The following CNTNAP3B variants were observed in gnomAD, a reference collection of about 807,000 sequenced individuals.
CNTNAP3B encodes the protein contactin associated protein family member 3B.
In CNTNAP3B, 25 loss-of-function variants were observed where a neutral mutation model predicts 108.9. That is an observed-to-expected ratio of 0.23 (90% CI 0.17 to 0.32). The LOEUF (loss-of-function observed/expected upper bound fraction) is 0.32, where lower values mean the gene tolerates loss of function less well. CNTNAP3B is among the 10% of genes least tolerant of loss of function. CNTNAP3B has a pLI of 1.00. For missense variants in CNTNAP3B, 252 were observed against 1,210.4 expected (o/e 0.21, Z 11.75); for synonymous variants, 103 against 473.4 (o/e 0.22, Z 10.16).
At chr9:41,934,100 C>CATATATATATATATATATGTAT (rs1824067123) in intron 14 of CNTNAP3B, among the ~76,000 whole-genome samples, 3 of 90,224 alleles carry the variant, frequency 3.3e-5, no homozygotes, top group African/African-American at 1.3e-4. Flanking sequence ...ATATTTGTTA[C>CATATATATATATATATATGTAT]ATATATATAT....
In CNTNAP3B at chr9:42,096,063, T is replaced by A. The variant is rs1292169241; in HGVS notation, c.196+8566A>T. Among the ~76,000 whole-genome samples the A allele has an allele frequency of 3.6e-5, 5 of 139,536 alleles. 1 individual carries two copies. In the East Asian group the frequency reaches 1.1e-3, roughly 30 times the overall value. 91.5% of individuals were successfully genotyped at this position (139,536 alleles called of 152,430 possible). On this transcript the variant is annotated intron_variant, in intron 2 of 23. Transcript: ENST00000377561. ...CTGCCTTTGGTACCTCAGGGTGTCC[T>A]TGGATAACTGGGGCTGTCCTCACCG... is the stretch of plus-strand genomic sequence containing the variant.
At chr9:42,068,180 A>C (rs1157236948) in intron 3 of CNTNAP3B, among the ~76,000 whole-genome samples, 3 of 64,934 alleles carry the variant, frequency 4.6e-5, no homozygotes, top group African/African-American at 2.3e-4. Flanking sequence ...CTGTTTCAGA[A>C]GGTCAAATAA....
In CNTNAP3B at chr9:41,937,105, A is replaced by T. The variant is rs528609382; in HGVS notation, c.2237+1139T>A. On this transcript the variant is annotated intron_variant, in intron 14 of 23. Coordinates refer to ENST00000377561, the MANE Select transcript of CNTNAP3B (RefSeq NM_001201380.3). ...ACCTGGAATGACCATTACATTTTTTATTTATTAATTTATTATTATTATTAT... is the reference window on the plus strand; with the variant it reads ...ACCTGGAATGACCATTACATTTTTTTTTTATTAATTTATTATTATTATTAT... Among the ~76,000 whole-genome samples the T allele has an allele frequency of 3.8e-3, 409 of 109,056 alleles. 2 individuals are homozygous for T. Among genetic ancestry groups the T allele is most frequent in the African/African-American group, 4.5e-3 (134 of 29,776 alleles). The allele number at this position is 109,056 out of a possible 152,430, so 71.5% of individuals were successfully genotyped here.
intron 13 of CNTNAP3B, among the ~76,000 whole-genome samples, chr9:41,948,163 C>T (rs1188694368): frequency 6.7e-6 from 1 of 149,200 alleles, no homozygotes; most frequent in Admixed American, 6.7e-5. Flanking sequence ...GTGATCTTGG[C>T]TCACTGCAAC....
chr9:41,945,523 A>G (rs1824507018), intron 13 of CNTNAP3B, among the ~76,000 whole-genome samples: 4 of 152,428 alleles, frequency 2.6e-5, no homozygotes, highest in South Asian at 2.1e-4. Context: ...AGGACAAAAA[A>G]CCAAACACTG....
intron 2 of CNTNAP3B, among the ~76,000 whole-genome samples, chr9:42,094,055 A>G (rs1322277204): frequency 7.3e-6 from 1 of 136,440 alleles, no homozygotes. Flanking sequence ...CACAGCTAGT[A>G]AGGGGTAGAG....
At chr9:42,110,864 G>A (rs1828180641) in intron 1 of CNTNAP3B, among the ~76,000 whole-genome samples, 2 of 140,074 alleles carry the variant, frequency 1.4e-5, no homozygotes, top group Non-Finnish European at 3.1e-5. Flanking sequence ...TTATGAATCT[G>A]AATTGATCTG....
In CNTNAP3B at chr9:42,122,104, T is replaced by G. The variant is rs28532969; in HGVS notation, c.85+6906A>C. On this transcript the variant is annotated intron_variant, in intron 1 of 23. Coordinates refer to ENST00000377561, the MANE Select transcript of CNTNAP3B (RefSeq NM_001201380.3). ...TCAAAGTTTTCTATGGGCAGCAGGC[T>G]TTGCTTGCCCTTTGGCAACACTGCT... 1.5e-5 allele frequency among the ~76,000 whole-genome samples: 2 copies of G among 137,544 alleles called. 1 individual carries two copies. The highest frequency in any genetic ancestry group is 3.1e-5 in the Non-Finnish European group (2 of 64,302). 90.2% of individuals were successfully genotyped at this position (137,544 alleles called of 152,430 possible). A position where few individuals can be genotyped will look rare whatever the true frequency, so the allele number is the denominator to read the frequency against.
At chr9:42,058,663 A>AGG (rs1416545576) in intron 3 of CNTNAP3B, among the ~76,000 whole-genome samples, 1 of 136,834 alleles carries the variant, frequency 7.3e-6, no homozygotes, top group Non-Finnish European at 1.6e-5. Flanking sequence ...CCGATCCCAT[A>AGG]GGTTGTCTTT....
At chr9:42,048,386 G>GT (rs999817540) in intron 3 of CNTNAP3B, among the ~76,000 whole-genome samples, 2 of 9,132 alleles carry the variant, frequency 2.2e-4, no homozygotes, top group East Asian at 6.6e-3. Flanking sequence ...CTTCCCCACA[G>GT]TTTTTTTTCT....
At chr9:42,109,948 G>A (rs1828159853) in intron 1 of CNTNAP3B, among the ~76,000 whole-genome samples, 1 of 138,410 alleles carries the variant, frequency 7.2e-6, no homozygotes, top group East Asian at 2.2e-4. Context: ...CCCACAAGGT[G>A]AGGCACACGG....
chr9:42,088,835 G>A (rs372380102), intron 2 of CNTNAP3B, among the ~76,000 whole-genome samples: 4,031 of 138,632 alleles, frequency 0.029, 303 homozygotes, highest in Non-Finnish European at 0.044. Context: ...ATGTAAATTG[G>A]CACATCTAAC....
chr9:42,111,500 T>C lies in CNTNAP3B; in HGVS notation c.86-6761A>G, dbSNP rs370904568. 3.6e-5 allele frequency among the ~76,000 whole-genome samples: 5 copies of C among 138,356 alleles called. 1 individual carries two copies. In the East Asian group the frequency reaches 1.1e-3, roughly 31 times the overall value. The allele number at this position is 138,356 out of a possible 152,430, so 90.8% of individuals were successfully genotyped here. On this transcript the variant is annotated intron_variant, in intron 1 of 23. Coordinates refer to ENST00000377561, the MANE Select transcript of CNTNAP3B (RefSeq NM_001201380.3). ...AAACGGTATGCCTGAAGCTAAGGCA[T>C]AGACAGAGCTGCCCAAGAATGAGGC...
chr9:41,943,683 A>T (rs1356076123), intron 13 of CNTNAP3B, among the ~76,000 whole-genome samples: 35 of 148,632 alleles, frequency 2.4e-4, no homozygotes, highest in Non-Finnish European at 3.3e-4. Flanking sequence ...GGTGTAACCT[A>T]TGTAACCCAT....
Position 42,049,313 on chromosome 9 carries a change from C to G in CNTNAP3B, c.390+27556G>C, listed in dbSNP as rs543759231. Among the ~76,000 whole-genome samples, 29 of 139,770 alleles carry G rather than the reference C, an allele frequency of 2.1e-4. 4 individuals are homozygous for G. The highest frequency in any genetic ancestry group is 8.2e-4 in the African/African-American group (29 of 35,346). 91.7% of individuals were successfully genotyped at this position (139,770 alleles called of 152,430 possible). The stretch of plus-strand genomic sequence containing the variant: ...CCCACACTATAGCTTCTTTGACATG[C>G]TGACTCTTTCTGATTTTCATTATCA... On this transcript the variant is annotated intron_variant, in intron 3 of 23. Coordinates refer to ENST00000377561, the MANE Select transcript of CNTNAP3B (RefSeq NM_001201380.3).
chr9:41,944,873 G>A (rs1178771599), intron 13 of CNTNAP3B, among the ~76,000 whole-genome samples: 31 of 152,200 alleles, frequency 2.0e-4, no homozygotes, highest in Non-Finnish European at 2.9e-5. Context: ...CTACCCATCT[G>A]ACAAAGGGCT....
At chr9:42,110,172 A>T (rs1214987821) in intron 1 of CNTNAP3B, among the ~76,000 whole-genome samples, 4 of 129,638 alleles carry the variant, frequency 3.1e-5, no homozygotes. Context: ...ATGGAATTAC[A>T]TATTGGATAT....
rs1213168580 is a variant in CNTNAP3B, at chr9:42,063,688, C to T, written c.390+13181G>A. 2.9e-5 allele frequency among the ~76,000 whole-genome samples: 4 copies of T among 136,058 alleles called. 1 individual carries two copies. The East Asian group carries it at 6.7e-4, about 23-fold the overall frequency. The allele number at this position is 136,058 out of a possible 152,430, so 89.3% of individuals were successfully genotyped here. ...GTCTTCCTTTCTTCTTTGCTCCCTC[C>T]CTCCTTCCTTGTTTCTGCTACTGTT... On this transcript the variant is annotated intron_variant, in intron 3 of 23. Transcript: ENST00000377561.
At chr9:42,094,138 G>A (rs1827852135) in intron 2 of CNTNAP3B, among the ~76,000 whole-genome samples, 1 of 138,408 alleles carries the variant, frequency 7.2e-6, no homozygotes, top group African/African-American at 2.9e-5. Flanking sequence ...AGTTAGAATT[G>A]CACAAAGCGT....
Sources: allele counts gnomAD v4.1 joint callset (sites outside exome capture counted in the v4.1 genomes callset), GRCh38; gene constraint gnomAD v4.1.1; transcripts MANE v1.5; gene names NCBI Gene and HGNC (gene_info 2026-07-23, HGNC 2026-07-21).